HDAC9: variants seen among roughly 807,000 people sequenced by gnomAD.
HDAC9 encodes the protein MEF-2 interacting transcription repressor (MITR) protein.
HDAC9 carries 41 observed loss-of-function variants against 139.4 expected under a neutral mutation model. The ratio of observed to expected loss-of-function variants is 0.29; its 90% confidence interval spans 0.23 to 0.38. The LOEUF (loss-of-function observed/expected upper bound fraction) is 0.38, where lower values mean the gene tolerates loss of function less well. HDAC9 is among the 10% of genes least tolerant of loss of function. The probability of loss-of-function intolerance (pLI) is 1.00; values close to 1 mark genes in which losing one functional copy is unlikely to be tolerated. For synonymous variants in HDAC9, 517 were observed against 476.2 expected (o/e 1.09, Z -1.12); for missense variants, 1,147 against 1,297.0 (o/e 0.88, Z 1.78).
chr7:18,475,615 G>T (rs774417119), intron 1 of HDAC9, among the ~76,000 whole-genome samples: 23 of 151,996 alleles, frequency 1.5e-4, no homozygotes, highest in Admixed American at 1.0e-3. Flanking sequence ...TCACTATGCC[G>T]CCCCAGCCCA....
intron 17 of HDAC9, among the ~76,000 whole-genome samples, chr7:18,823,497 T>A (rs1341751850): frequency 6.6e-6 from 1 of 152,074 alleles, no homozygotes; most frequent in Non-Finnish European, 1.5e-5. Context: ...AGGATGGCAA[T>A]TTTACCATGG....
At position 18,644,703 on chromosome 7, in the gene HDAC9, T is replaced by G; in HGVS notation, c.945T>G (p.His315Gln). The G allele has an allele frequency of 6.2e-7, 1 of 1,612,052 alleles. No homozygotes were observed. Among genetic ancestry groups the G allele is most frequent in the Non-Finnish European group, 8.5e-7 (1 of 1,178,924 alleles). Residue 315 changes from histidine to glutamine, a missense_variant, in exon 9 of 26, where the codon CAT (histidine) becomes CAG (glutamine). Coordinates refer to ENST00000686413, the MANE Select transcript of HDAC9 (RefSeq NM_178425.4). ...TTTCACAGCAACGCATTCTAATTCA[T>G]GAAGATTCCATGAACCTGCTAAGTC... is the stretch of plus-strand genomic sequence containing the variant. ...QMVSQQRILI[H>Q]EDSMNLLSLY...
At chr7:18,487,510 G>C (rs1432059154) in intron 1 of HDAC9, among the ~76,000 whole-genome samples, 1 of 152,004 alleles carries the variant, frequency 6.6e-6, no homozygotes, top group Non-Finnish European at 1.5e-5. Context: ...TGAAATAAGA[G>C]AAGTCCTGAA....
intron 2 of HDAC9, among the ~76,000 whole-genome samples, chr7:18,538,425 C>T (rs1811598451): frequency 6.6e-6 from 1 of 152,168 alleles, no homozygotes; most frequent in Non-Finnish European, 1.5e-5. Context: ...TTCTCATTGA[C>T]ATTTATGTTG....
At chr7:18,277,846 T>C (rs1796847929) in intron 2 of HDAC9, among the ~76,000 whole-genome samples, 1 of 152,254 alleles carries the variant, frequency 6.6e-6, no homozygotes, top group African/African-American at 2.4e-5. Context: ...AACATGTTAA[T>C]AGTTTAAATA....
chr7:18,737,674 C>T (rs184663951), intron 13 of HDAC9, among the ~76,000 whole-genome samples: 2 of 152,204 alleles, frequency 1.3e-5, no homozygotes, highest in East Asian at 3.9e-4. Flanking sequence ...GTGCTTTATT[C>T]CCTATGATGT....
chr7:18,764,053 A>T (rs1173522373), intron 15 of HDAC9, among the ~76,000 whole-genome samples: 1 of 152,180 alleles, frequency 6.6e-6, no homozygotes, highest in Non-Finnish European at 1.5e-5. Context: ...TTTTTTAAAA[A>T]ATTTGACTCT....
chr7:18,681,625 T>G (rs1020174662), intron 12 of HDAC9, among the ~76,000 whole-genome samples: 1 of 152,044 alleles, frequency 6.6e-6, no homozygotes, highest in Non-Finnish European at 1.5e-5. Context: ...GGTGATCAAT[T>G]TCTTTGAACA....
At chr7:18,263,291 A>T (rs1795795317) in intron 2 of HDAC9, among the ~76,000 whole-genome samples, 1 of 152,164 alleles carries the variant, frequency 6.6e-6, no homozygotes, top group Admixed American at 6.5e-5. Flanking sequence ...TTACAAGAAG[A>T]TTTTATATAA....
At chr7:18,824,992 A>G (rs1795304741) in intron 17 of HDAC9, among the ~76,000 whole-genome samples, 1 of 152,234 alleles carries the variant, frequency 6.6e-6, no homozygotes, top group African/African-American at 2.4e-5. Flanking sequence ...CATTAAAGAG[A>G]ACTCATTGGT....
At chr7:18,368,588 T>C (rs1339482436) in intron 1 of HDAC9, among the ~76,000 whole-genome samples, 1 of 152,068 alleles carries the variant, frequency 6.6e-6, no homozygotes, top group Non-Finnish European at 1.5e-5. Flanking sequence ...TTATATTAAT[T>C]TTATGAAAAA....
chr7:18,654,740 A>C (rs765922593), intron 11 of HDAC9, among the ~76,000 whole-genome samples: 2 of 151,996 alleles, frequency 1.3e-5, no homozygotes, highest in Non-Finnish European at 2.9e-5. Context: ...GGGTGATCTT[A>C]TTTTTCTTTT....
At chr7:18,703,005 A>G (rs1381745287) in intron 12 of HDAC9, among the ~76,000 whole-genome samples, 1 of 152,226 alleles carries the variant, frequency 6.6e-6, no homozygotes, top group East Asian at 1.9e-4. Flanking sequence ...AATCCTAAAC[A>G]TTTTATTTGA....
chr7:18,520,524 T>A (rs1226602402), intron 2 of HDAC9, among the ~76,000 whole-genome samples: 1 of 152,156 alleles, frequency 6.6e-6, no homozygotes, highest in Non-Finnish European at 1.5e-5. Context: ...ATATGAGCTT[T>A]CTGTTCTGCT....
intron 1 of HDAC9, among the ~76,000 whole-genome samples, chr7:18,368,366 T>C (rs1396031267): frequency 1.3e-5 from 2 of 151,998 alleles, no homozygotes; most frequent in Non-Finnish European, 2.9e-5. Flanking sequence ...TTCCATATGG[T>C]TAGCCAAGTA....
chr7:18,443,279 G>A (rs960217577), intron 1 of HDAC9, among the ~76,000 whole-genome samples: 2 of 151,944 alleles, frequency 1.3e-5, no homozygotes, highest in African/African-American at 2.4e-5. Flanking sequence ...TTTTGTGTAC[G>A]TGGCAACATG....
intron 1 of HDAC9, among the ~76,000 whole-genome samples, chr7:18,352,339 A>G (rs1161357676): frequency 6.6e-6 from 1 of 152,218 alleles, no homozygotes; most frequent in Non-Finnish European, 1.5e-5. Context: ...AGACAATATA[A>G]TATTCTGCTT....
chr7:18,729,976 A>G (rs1187578869), intron 13 of HDAC9, among the ~76,000 whole-genome samples: 2 of 152,218 alleles, frequency 1.3e-5, no homozygotes, highest in Admixed American at 1.3e-4. Flanking sequence ...TTGTTCCGCT[A>G]AAGGATAGCT....
At chr7:18,258,896 G>C (rs1795453629) in intron 2 of HDAC9, among the ~76,000 whole-genome samples, 1 of 149,516 alleles carries the variant, frequency 6.7e-6, no homozygotes, top group African/African-American at 2.5e-5. Flanking sequence ...ATAAACTGAG[G>C]TGACTCTTGC....
Sources: allele counts gnomAD v4.1 joint callset (sites outside exome capture counted in the v4.1 genomes callset), GRCh38; gene constraint gnomAD v4.1.1; transcripts MANE v1.5; gene names NCBI Gene and HGNC (gene_info 2026-07-23, HGNC 2026-07-21).